Variants in MOCOS observed in about 807,000 individuals in gnomAD.
MOCOS encodes molybdenum cofactor sulfurase.
A neutral mutation model predicts 83.6 loss-of-function variants in MOCOS; 86 were observed. That is an observed-to-expected ratio of 1.03 (90% CI 0.86 to 1.23). The LOEUF is 1.23. Ranked by LOEUF, MOCOS falls within the 50% of genes most tolerant of loss-of-function variation. The pLI is 0.00. For synonymous variants in MOCOS, 445 were observed against 434.7 expected (o/e 1.02, Z -0.29); for missense variants, 1,120 against 1,126.9 (o/e 0.99, Z 0.09).
Position 36,266,788 on chromosome 18 carries a change from G to C in MOCOS, c.2449G>C (p.Asp817His), listed in dbSNP as rs764801199. The change falls in exon 14 of 15, where the codon GAC becomes CAC. Residue 817 changes from aspartate (D) to histidine (H), a missense_variant. Transcript: ENST00000261326. ...TCACAGATGCCAGATGATTTGCATC[G>C]ACCAGCAAACTGGGCAACGAAACCA... ...PCHRCQMICI[D>H]QQTGQRNQHV... is the part of the protein sequence containing the mutation. 3.1e-6 allele frequency: 5 copies of C among 1,613,880 alleles called. No homozygotes were observed. In the South Asian group the frequency reaches 3.3e-5, roughly 11 times the overall value.
At chr18:36,220,296 T>A in intron 9 of MOCOS, 79 bp downstream of exon 9, 1 of 1,556,470 alleles carries the variant, frequency 6.4e-7, no homozygotes, top group Non-Finnish European at 8.7e-7. Context: ...TACCAAGTGT[T>A]AGAATAACCC....
At chr18:36,250,904 A>G (rs949920898) in intron 10 of MOCOS, among the ~76,000 whole-genome samples, 4 of 152,154 alleles carry the variant, frequency 2.6e-5, no homozygotes, top group Admixed American at 1.3e-4. Flanking sequence ...CTCTGTGTCA[A>G]TAATTAATAG....
chr18:36,266,689 T>G, intron 13 of MOCOS, 60 bp from the exon 14 acceptor site: 2 of 1,428,430 alleles, frequency 1.4e-6, no homozygotes, highest in Admixed American at 1.7e-5. Context: ...TTCCTCCCTC[T>G]GAGGTGCAAG....
At chr18:36,255,156 A>G (rs2091637194) in intron 11 of MOCOS, among the ~76,000 whole-genome samples, 1 of 152,206 alleles carries the variant, frequency 6.6e-6, no homozygotes, top group Non-Finnish European at 1.5e-5. Context: ...GCACCCTGCC[A>G]TTTGTTCCTA....
chr18:36,219,765 A>T (rs2091489042), intron 8 of MOCOS, among the ~76,000 whole-genome samples: 2 of 152,118 alleles, frequency 1.3e-5, no homozygotes. Context: ...CTTGCTTTTC[A>T]CTGTAGACTC....
rs188312387 is a variant in MOCOS at position 36,203,446 on chromosome 18, T to C, written c.1018+257T>C. Among the ~76,000 whole-genome samples, 436 of 152,356 alleles carry C rather than the reference T, an allele frequency of 2.9e-3. 1 individual carries two copies. Among genetic ancestry groups the C allele is most frequent in the Non-Finnish European group, 4.6e-3 (311 of 68,028 alleles). On this transcript the variant is annotated intron_variant, in intron 5 of 14. Coordinates refer to ENST00000261326, the MANE Select transcript of MOCOS (RefSeq NM_017947.4). ...AAGACATTCCAAATCAGGAGATTGC[T>C]AGCTTCACAGAATGAGAGGAGCATC... is the stretch of plus-strand genomic sequence containing the variant.
chr18:36,267,043 A>AC (rs1336766600), intron 14 of MOCOS, among the ~76,000 whole-genome samples, 190 bp downstream of exon 14: 5 of 132,878 alleles, frequency 3.8e-5, no homozygotes, highest in Admixed American at 2.5e-4. Context: ...CCAAGTTCTC[A>AC]CTTTTTTTTG....
At chr18:36,266,929 C>T in intron 14 of MOCOS, 76 bp downstream of exon 14, 9 of 1,233,616 alleles carry the variant, frequency 7.3e-6, no homozygotes, top group Non-Finnish European at 9.4e-6. Flanking sequence ...TTCATAATAG[C>T]ACAGAGTTAT....
chr18:36,200,056 C>A lies in MOCOS; in HGVS notation c.673C>A (p.His225Asn), dbSNP rs533326490. The stretch of plus-strand genomic sequence containing the variant: ...AGAAGAGGTCAAGTCTGGGCGGTTG[C>A]ACCCTGTGAGCACGCCTGGGAAGTG... Reference protein sequence around the residue: ...WIEEVKSGRLHPVSTPGKWFV... With the variant: ...WIEEVKSGRLNPVSTPGKWFV... The change falls in exon 4 of 15, where the codon CAC becomes AAC. Residue 225 changes from histidine (H) to asparagine (N), a missense_variant. Transcript: ENST00000261326. The A allele has an allele frequency of 6.2e-7, 1 of 1,614,186 alleles. No individual in the cohort carries two copies.
At chr18:36,216,150 C>A (rs1238060901) in intron 8 of MOCOS, among the ~76,000 whole-genome samples, 173 bp downstream of exon 8, 1 of 152,138 alleles carries the variant, frequency 6.6e-6, no homozygotes, top group Non-Finnish European at 1.5e-5. Context: ...AACATGACTG[C>A]TCACGGGGAC....
rs970670410 is a variant in MOCOS, at chr18:36,270,990, TTC to T, written c.*2307_*2308del. ...TCACCACATCCAGCTAATTTTTTTTTTCTTTTTTTTCTTTTTGGTAGAGATGG... is the reference window on the plus strand; with the variant it reads ...TCACCACATCCAGCTAATTTTTTTTTTTTTTTTTCTTTTTGGTAGAGATGG... On this transcript the variant is annotated 3_prime_UTR_variant, in exon 15 of 15. Coordinates refer to ENST00000261326, the MANE Select transcript of MOCOS (RefSeq NM_017947.4). The T allele has an allele frequency of 6.6e-6, 1 of 151,746 alleles. No homozygotes were observed. The highest frequency in any genetic ancestry group is 2.4e-5 in the African/African-American group (1 of 41,318). The allele number at this position is 151,746 out of a possible 1,614,324, so 9.4% of individuals were successfully genotyped here. A position where few individuals can be genotyped will look rare whatever the true frequency, so the allele number is the denominator to read the frequency against.
At chr18:36,233,490 A>G (rs1346503142) in intron 9 of MOCOS, among the ~76,000 whole-genome samples, 1 of 152,212 alleles carries the variant, frequency 6.6e-6, no homozygotes, top group African/African-American at 2.4e-5. Context: ...TTGTGCTGCT[A>G]TAAACATATG....
chr18:36,202,238 T>A (rs1236774868), intron 4 of MOCOS, among the ~76,000 whole-genome samples: 1 of 152,242 alleles, frequency 6.6e-6, no homozygotes. Flanking sequence ...AGTACATCCC[T>A]TGACAGAAAC....
chr18:36,205,307 T>C (rs371454022), intron 6 of MOCOS, 31 bp downstream of exon 6: 2 of 1,587,166 alleles, frequency 1.3e-6, no homozygotes, highest in Non-Finnish European at 1.7e-6. Context: ...GCTGACTTTA[T>C]TACAACTCAT....
chr18:36,206,192 G>A (rs956162735), intron 6 of MOCOS, among the ~76,000 whole-genome samples: 2 of 151,920 alleles, frequency 1.3e-5, no homozygotes, highest in African/African-American at 2.4e-5. Context: ...AAGCAAGAGA[G>A]AGGGTGAGGG....
Position 36,213,494 on chromosome 18 carries a change from G to T in MOCOS, c.1335+12G>T. ...GGAAGCATTTTCAGGTTGGTACAGG[G>T]CTCTGCGATCCAGACGCTGGTCAGC... is the stretch of plus-strand genomic sequence containing the variant. On this transcript the variant is annotated intron_variant, in intron 7 of 14. Transcript: ENST00000261326. The T allele has an allele frequency of 6.2e-7, 1 of 1,605,974 alleles. No individual in the cohort carries two copies. The highest frequency in any genetic ancestry group is 1.1e-5 in the South Asian group (1 of 90,866).
chr18:36,249,034 T>TA, intron 10 of MOCOS, 34 bp downstream of exon 10: 1 of 1,581,512 alleles, frequency 6.3e-7, no homozygotes. Context: ...ATCTCAGCTT[T>TA]ATTGACAGGC....
Position 36,194,177 on chromosome 18 carries a change from T to C in MOCOS, c.143-1080T>C, listed in dbSNP as rs558482882. Among the ~76,000 whole-genome samples the C allele has an allele frequency of 5.4e-4, 78 of 145,662 alleles. 1 individual carries two copies. In the South Asian group the frequency reaches 8.5e-3, roughly 16 times the overall value. On this transcript the variant is annotated intron_variant, in intron 1 of 14. Coordinates refer to ENST00000261326, the MANE Select transcript of MOCOS (RefSeq NM_017947.4). ...GTGATTGGTAATGATATGGGATTTC[T>C]TTTGGGAATGAATGAAAATATTCTA...
At chr18:36,249,099 T>G (rs2091613204) in intron 10 of MOCOS, 99 bp downstream of exon 10, 3 of 1,036,700 alleles carry the variant, frequency 2.9e-6, no homozygotes, top group African/African-American at 1.6e-5. Flanking sequence ...TTGCTACCCT[T>G]CAGTCCAGTT....
Sources: allele counts gnomAD v4.1 joint callset (sites outside exome capture counted in the v4.1 genomes callset), GRCh38; gene constraint gnomAD v4.1.1; transcripts MANE v1.5; gene names NCBI Gene and HGNC (gene_info 2026-07-23, HGNC 2026-07-21).